CLEC3A: variants seen among roughly 807,000 people sequenced by gnomAD.
CLEC3A encodes the protein C-type (calcium dependent, carbohydrate-recognition domain) lectin, superfamily member 1 (cartilage-derived).
CLEC3A carries 28 observed loss-of-function variants against 20.4 expected under a neutral mutation model. The ratio of observed to expected loss-of-function variants is 1.37; its 90% CI spans 1.02 to 1.88. CLEC3A has a LOEUF of 1.88. Ranked by LOEUF, CLEC3A falls within the 40% of genes most tolerant of loss-of-function variation. The pLI is 0.00. For missense variants in CLEC3A, 357 were observed against 240.4 expected, an observed-to-expected ratio of 1.48 and a Z score of -3.21; for synonymous variants, 110 against 88.1, an observed-to-expected ratio of 1.25 and a Z score of -1.39.
rs373699983 is a variant in CLEC3A at position 78,028,149 on chromosome 16, C to A, written c.158C>A (p.Thr53Lys). Residue 53 changes from threonine to lysine, a missense_variant, in exon 2 of 3, where the codon ACA (threonine) becomes AAA (lysine). Transcript: ENST00000299642. ...DLKTQIEKLW[T>K]EVNALKEIQA... The stretch of plus-strand genomic sequence containing the variant: ...AAGACTCAAATTGAAAAGCTCTGGA[C>A]AGAAGTCAATGCCTTGAAGGAAATT... 87 of 1,611,554 alleles carry A rather than the reference C, an allele frequency of 5.4e-5. No individual in the cohort carries two copies. The highest frequency in any genetic ancestry group is 7.2e-5 in the Non-Finnish European group (85 of 1,179,468).
rs568484257 is a variant in CLEC3A, at chr16:78,029,428, G to C, written c.200-1019G>C. Among the ~76,000 whole-genome samples, 31 of 152,280 alleles carry C rather than the reference G, an allele frequency of 2.0e-4. No individual in the cohort carries two copies. The South Asian group carries it at 6.0e-3, about 30-fold the overall frequency. On this transcript the variant is annotated intron_variant, in intron 2 of 2. Transcript: ENST00000299642. ...CTGTTGCCCGGGCTGGAGTACAATG[G>C]CGCAATCTCGGCTCACTGCAACCTC... is the stretch of plus-strand genomic sequence containing the variant.
At chr16:78,027,603 T>A (rs2029964658) in intron 1 of CLEC3A, among the ~76,000 whole-genome samples, 1 of 152,112 alleles carries the variant, frequency 6.6e-6, no homozygotes, top group Non-Finnish European at 1.5e-5. Flanking sequence ...CCTGTCCAAG[T>A]TATTTTCTTT....
rs566243950 is a variant in CLEC3A, at chr16:78,030,941, T to C, written c.*100T>C. On this transcript the variant is annotated 3_prime_UTR_variant, in exon 3 of 3. Coordinates refer to ENST00000299642, the MANE Select transcript of CLEC3A (RefSeq NM_005752.6). ...ATCATAATTTTTACTTATTAAAAAA[T>C]TGCAACACAAGATCAATGTCCATAG... The C allele has an allele frequency of 3.1e-5, 42 of 1,334,984 alleles. No homozygotes were observed. The highest frequency in any genetic ancestry group is 5.5e-4 in the Middle Eastern group (2 of 3,640). 82.7% of individuals were successfully genotyped at this position (1,334,984 alleles called of 1,614,324 possible).
rs781066136 is a variant in CLEC3A, at chr16:78,030,764, T to A, written c.517T>A (p.Ser173Thr). 2 of 1,614,006 alleles carry A rather than the reference T, an allele frequency of 1.2e-6. No individual in the cohort carries two copies. Among genetic ancestry groups the A allele is most frequent in the African/African-American group, 2.7e-5 (2 of 74,890 alleles). Residue 173 changes from serine (S) to threonine (T), a missense_variant, in exon 3 of 3, where the codon TCA becomes ACA. Coordinates refer to ENST00000299642, the MANE Select transcript of CLEC3A (RefSeq NM_005752.6). ...AGAAAACTGTGTCCTGTTCTCCCAA[T>A]CAGCTCAGGGCAAGTGGAGTGATGA... ...KRENCVLFSQ[S>T]AQGKWSDEAC...
At chr16:78,025,308 T>C (rs1158540055) in intron 1 of CLEC3A, among the ~76,000 whole-genome samples, 2 of 152,202 alleles carry the variant, frequency 1.3e-5, no homozygotes, top group Non-Finnish European at 2.9e-5. Context: ...CTTAATCTGA[T>C]CTCTCCCAAT....
intron 1 of CLEC3A, 151 bp downstream of exon 1, chr16:78,022,892 AC>A: frequency 6.9e-6 from 5 of 729,308 alleles, no homozygotes; most frequent in Non-Finnish European, 1.1e-5. Flanking sequence ...GATTAAGTGA[AC>A]TTGTAATGCT....
chr16:78,028,265 C>T, intron 2 of CLEC3A, 75 bp downstream of exon 2: 1 of 1,014,800 alleles, frequency 9.9e-7, no homozygotes, highest in Non-Finnish European at 1.4e-6. Context: ...TGGGGGACGT[C>T]TTTTTAAAAG....
intron 1 of CLEC3A, among the ~76,000 whole-genome samples, chr16:78,023,071 T>C (rs2018770159): frequency 1.3e-5 from 2 of 152,348 alleles, no homozygotes; most frequent in African/African-American, 2.4e-5. Flanking sequence ...TCTGGTGTTA[T>C]TAATATGGGG....
intron 1 of CLEC3A, among the ~76,000 whole-genome samples, chr16:78,023,252 A>G (rs1355913874): frequency 6.6e-6 from 1 of 152,188 alleles, no homozygotes; most frequent in East Asian, 1.9e-4. Context: ...GTATTTCCAT[A>G]TCCTTGGCAG....
intron 1 of CLEC3A, 43 bp downstream of exon 1, chr16:78,022,784 G>C (rs767355310): frequency 1.8e-5 from 29 of 1,601,472 alleles, no homozygotes; most frequent in Non-Finnish European, 2.2e-5. Context: ...GGCTTAGACA[G>C]TGTGGGGAGG....
chr16:78,026,432 G>C (rs2056847), intron 1 of CLEC3A, among the ~76,000 whole-genome samples: 1 of 152,134 alleles, frequency 6.6e-6, no homozygotes, highest in Non-Finnish European at 1.5e-5. Flanking sequence ...GGACCAAGAA[G>C]GTAGAGGCAA....
intron 2 of CLEC3A, 44 bp downstream of exon 2, chr16:78,028,234 G>A: frequency 7.1e-7 from 1 of 1,409,284 alleles, no homozygotes; most frequent in Non-Finnish European, 9.6e-7. Context: ...AAGGAGACAG[G>A]AAAATTTCTG....
In CLEC3A at chr16:78,032,098, A is replaced by T. The variant is rs141141757; in HGVS notation, c.*1257A>T. ...CAATAATAAAGCCTGAATTCTGATC[A>T]ATAGAAAATGTGTTCGAGTGTTAAT... On this transcript the variant is annotated 3_prime_UTR_variant, in exon 3 of 3. Coordinates refer to ENST00000299642, the MANE Select transcript of CLEC3A (RefSeq NM_005752.6). 9 of 152,738 alleles carry T rather than the reference A, an allele frequency of 5.9e-5. No individual in the cohort carries two copies. The highest frequency in any genetic ancestry group is 1.9e-4 in the African/African-American group (8 of 41,564). The allele number at this position is 152,738 out of a possible 1,614,324, so 9.5% of individuals were successfully genotyped here.
In CLEC3A at chr16:78,030,525, A is replaced by G. The variant is rs1597154241; in HGVS notation, c.278A>G (p.Glu93Gly). Reference sequence around the variant, plus strand: ...TTGAAGCATTTCCATGAGGCCAATGAAGACTGCATTTCCAAAGGAGGAATC... The same window carrying G: ...TTGAAGCATTTCCATGAGGCCAATGGAGACTGCATTTCCAAAGGAGGAATC... Reference protein sequence around the residue: ...EGLKHFHEANEDCISKGGILV... With the variant: ...EGLKHFHEANGDCISKGGILV... Residue 93 changes from glutamate (E) to glycine (G), a missense_variant, in exon 3 of 3, where the codon GAA becomes GGA. By Grantham distance (98) the Glu-to-Gly change is moderately conservative. Transcript: ENST00000299642. The G allele has an allele frequency of 6.2e-7, 1 of 1,614,136 alleles. No homozygotes were observed. The highest frequency in any genetic ancestry group is 8.5e-7 in the Non-Finnish European group (1 of 1,180,010).
rs1001490737 is a variant in CLEC3A at position 78,031,133 on chromosome 16, T to A, written c.*292T>A. 2 of 265,782 alleles carry A rather than the reference T, an allele frequency of 7.5e-6. No homozygotes were observed. The highest frequency in any genetic ancestry group is 1.4e-5 in the Non-Finnish European group (2 of 142,298). The allele number at this position is 265,782 out of a possible 1,614,324, so 16.5% of individuals were successfully genotyped here. A position where few individuals can be genotyped will look rare whatever the true frequency, so the allele number is the denominator to read the frequency against. ...GTCTTTCTCACTTGTACAAACCCAG[T>A]TTGTTTTCAAAAAATCACAGTAGCA... is the stretch of plus-strand genomic sequence containing the variant. On this transcript the variant is annotated 3_prime_UTR_variant, in exon 3 of 3. Coordinates refer to ENST00000299642, the MANE Select transcript of CLEC3A (RefSeq NM_005752.6).
chr16:78,029,574 T>A (rs945830667), intron 2 of CLEC3A, among the ~76,000 whole-genome samples: 33 of 152,130 alleles, frequency 2.2e-4, no homozygotes, highest in African/African-American at 8.0e-4. Context: ...TTCACTATGT[T>A]GGCCAGACTG....
Position 78,031,946 on chromosome 16 carries a change from A to G in CLEC3A, c.*1105A>G, listed in dbSNP as rs1314783759. Reference sequence around the variant, plus strand: ...GAAATGGGCTTTTTAGAAGCAAACAATTTTAAATATATTTTGTTCTTCAAA... The same window carrying G: ...GAAATGGGCTTTTTAGAAGCAAACAGTTTTAAATATATTTTGTTCTTCAAA... On this transcript the variant is annotated 3_prime_UTR_variant, in exon 3 of 3. Coordinates refer to ENST00000299642, the MANE Select transcript of CLEC3A (RefSeq NM_005752.6). 6.6e-6 allele frequency: 1 copy of G among 152,618 alleles called. No homozygotes were observed. Among genetic ancestry groups the G allele is most frequent in the Non-Finnish European group, 1.5e-5 (1 of 68,034 alleles). The allele number at this position is 152,618 out of a possible 1,614,324, so 9.5% of individuals were successfully genotyped here.
chr16:78,030,152 CA>C (rs56784347), intron 2 of CLEC3A, among the ~76,000 whole-genome samples: 1,413 of 100,230 alleles, frequency 0.014, 12 homozygotes, highest in African/African-American at 0.056. Context: ...GACTCCAACT[CA>C]AAAAAAAAAA....
At position 78,028,176 on chromosome 16, in the gene CLEC3A, A is replaced by C. The variant is rs772380538; in HGVS notation, c.185A>C (p.Gln62Pro). The C allele has an allele frequency of 7.5e-6, 12 of 1,609,218 alleles. No individual in the cohort carries two copies. Among genetic ancestry groups the C allele is most frequent in the East Asian group, 2.2e-5 (1 of 44,660 alleles). The change falls in exon 2 of 3, where the codon CAA (glutamine) becomes CCA (proline). Residue 62 changes from glutamine (Q) to proline (P), a missense_variant. Coordinates refer to ENST00000299642, the MANE Select transcript of CLEC3A (RefSeq NM_005752.6). Reference sequence around the variant, plus strand: ...GAAGTCAATGCCTTGAAGGAAATTCAAGCCCTGCAGACAGGTAAGGTGCAG... The same window carrying C: ...GAAGTCAATGCCTTGAAGGAAATTCCAGCCCTGCAGACAGGTAAGGTGCAG... Reference protein sequence around the residue: ...WTEVNALKEIQALQTVCLRGT... With the variant: ...WTEVNALKEIPALQTVCLRGT...
Sources: gnomAD v4.1 joint callset for allele counts (sites outside exome capture counted in the v4.1 genomes callset) on GRCh38, gnomAD v4.1.1 for gene constraint, MANE v1.5 for transcripts, NCBI Gene and HGNC (gene_info 2026-07-23, HGNC 2026-07-21) for gene names.